The following NCKAP5 variants were observed in gnomAD, a reference collection of about 807,000 sequenced individuals.
NCKAP5 encodes NCK associated protein 5.
Under a neutral mutation model 167.0 loss-of-function variants are expected in NCKAP5, and 92 were observed. The observed-to-expected ratio is 0.55, with a 90% CI of 0.47 to 0.66. NCKAP5 has a LOEUF of 0.66. Among genes scored for constraint, NCKAP5 ranks in the 30% least tolerant of loss-of-function variants. NCKAP5 has a pLI of 0.00. For missense variants in NCKAP5, 2,378 were observed against 2,315.0 expected (o/e 1.03, Z -0.56); for synonymous variants, 891 against 877.4 (o/e 1.02, Z -0.27).
the NCKAP5 span, among the ~76,000 whole-genome samples, chr2:133,637,476 C>CAAAAAAAAAA: frequency 2.2e-4 from 7 of 31,668 alleles, no homozygotes; most frequent in African/African-American, 1.1e-3. Context: ...TGGTATTTTC[C>CAAAAAAAAAA]AAAAAAAAAA....
At chr2:133,064,176 C>A (rs910995817) in intron 6 of NCKAP5, among the ~76,000 whole-genome samples, 1 of 152,204 alleles carries the variant, frequency 6.6e-6, no homozygotes, top group Non-Finnish European at 1.5e-5. Context: ...GGGTTGTCAT[C>A]ACCAGCTATA....
At chr2:133,435,271 A>G (rs1690403060) in intron 3 of NCKAP5, among the ~76,000 whole-genome samples, 1 of 152,240 alleles carries the variant, frequency 6.6e-6, no homozygotes, top group Non-Finnish European at 1.5e-5. Flanking sequence ...CATCTGAAAC[A>G]ACACAATTTC....
chr2:133,480,875 A>G (rs1680361870), intron 3 of NCKAP5, among the ~76,000 whole-genome samples: 1 of 152,210 alleles, frequency 6.6e-6, no homozygotes, highest in African/African-American at 2.4e-5. Flanking sequence ...GCCATCCAGC[A>G]TTCCCAAAGC....
At chr2:132,749,829 C>T (rs1679961495) in intron 16 of NCKAP5, among the ~76,000 whole-genome samples, 1 of 152,122 alleles carries the variant, frequency 6.6e-6, no homozygotes, top group Admixed American at 6.5e-5. Context: ...GGTTAACTGG[C>T]TGGCAGATGA....
At chr2:133,567,657 C>CTGTGTG (rs3050985) in intron 1 of NCKAP5, among the ~76,000 whole-genome samples, 8,240 of 130,696 alleles carry the variant, frequency 0.063, 294 homozygotes, top group East Asian at 0.1. Flanking sequence ...ATGAATGAGC[C>CTGTGTG]TGTGTGTGTG....
chr2:132,705,339 ATACT>A (rs1307043718), intron 19 of NCKAP5, among the ~76,000 whole-genome samples: 7 of 152,126 alleles, frequency 4.6e-5, no homozygotes, highest in Non-Finnish European at 8.8e-5. Context: ...AGATTTATAT[ATACT>A]TACCATCTCC....
At chr2:132,693,901 T>C (rs1404436259) in intron 19 of NCKAP5, among the ~76,000 whole-genome samples, 1 of 151,818 alleles carries the variant, frequency 6.6e-6, no homozygotes, top group South Asian at 2.1e-4. Flanking sequence ...TGGGATTACA[T>C]GCATGAGCCA....
At chr2:132,869,863 C>T (rs1038193308) in intron 9 of NCKAP5, among the ~76,000 whole-genome samples, 6 of 152,178 alleles carry the variant, frequency 3.9e-5, no homozygotes, top group Admixed American at 3.3e-4. Context: ...TGGAGCTGTA[C>T]TGTCTATTGA....
In NCKAP5 at chr2:132,958,720, C is replaced by G. The variant is rs567379971; in HGVS notation, c.579+5000G>C. Among the ~76,000 whole-genome samples the G allele has an allele frequency of 7.2e-5, 11 of 152,230 alleles. No individual in the cohort carries two copies. In the South Asian group the frequency reaches 2.3e-3, roughly 32 times the overall value. ...AGGTGGCCTTTCACCTTTGCAGCTGCCTCCTCTTGCAATGTTCTTCCTCTG... is the reference window on the plus strand; with the variant it reads ...AGGTGGCCTTTCACCTTTGCAGCTGGCTCCTCTTGCAATGTTCTTCCTCTG... On this transcript the variant is annotated intron_variant, in intron 8 of 19. Coordinates refer to ENST00000409261, the MANE Select transcript of NCKAP5 (RefSeq NM_207363.3).
the NCKAP5 span, among the ~76,000 whole-genome samples, chr2:133,674,478 C>T: frequency 2.6e-5 from 4 of 152,160 alleles, no homozygotes; most frequent in Admixed American, 1.3e-4. Flanking sequence ...GCAGACACCA[C>T]GTGCCATGTA....
intron 11 of NCKAP5, among the ~76,000 whole-genome samples, chr2:132,827,006 C>A (rs1248551007): frequency 6.6e-6 from 1 of 152,016 alleles, no homozygotes; most frequent in African/African-American, 2.4e-5. Flanking sequence ...TCGACAGAGG[C>A]ACTGATACGT....
At chr2:132,948,735 G>C (rs149088916) in intron 8 of NCKAP5, among the ~76,000 whole-genome samples, 1 of 152,010 alleles carries the variant, frequency 6.6e-6, no homozygotes, top group Non-Finnish European at 1.5e-5. Flanking sequence ...TGGAAGCCCC[G>C]GCTTCTGAGA....
At chr2:133,390,349 C>A (rs1687309764) in intron 3 of NCKAP5, among the ~76,000 whole-genome samples, 1 of 152,182 alleles carries the variant, frequency 6.6e-6, no homozygotes, top group African/African-American at 2.4e-5. Context: ...CTTGACTCTC[C>A]TGTTGAATGT....
At chr2:132,679,227 C>G (rs1684886325) in intron 19 of NCKAP5, among the ~76,000 whole-genome samples, 1 of 152,172 alleles carries the variant, frequency 6.6e-6, no homozygotes, top group South Asian at 2.1e-4. Flanking sequence ...AAACAAGTGT[C>G]TTCCTGTAAA....
At chr2:133,351,660 T>C (rs1008870558) in intron 3 of NCKAP5, among the ~76,000 whole-genome samples, 1 of 152,142 alleles carries the variant, frequency 6.6e-6, no homozygotes. Flanking sequence ...CATGGCTCTC[T>C]CCTCACCTGT....
chr2:132,819,069 A>G (rs1202589224), intron 11 of NCKAP5, among the ~76,000 whole-genome samples: 1 of 152,166 alleles, frequency 6.6e-6, no homozygotes, highest in East Asian at 1.9e-4. Flanking sequence ...TTATTCTGAG[A>G]AAGAACCATA....
intron 8 of NCKAP5, among the ~76,000 whole-genome samples, chr2:132,901,935 CT>C (rs1693660447): frequency 1.3e-5 from 2 of 152,152 alleles, no homozygotes; most frequent in Non-Finnish European, 2.9e-5. Flanking sequence ...ATTCAAACTT[CT>C]AGTTGACATG....
chr2:133,397,605 G>A (rs998624227), intron 3 of NCKAP5, among the ~76,000 whole-genome samples: 5 of 152,082 alleles, frequency 3.3e-5, no homozygotes, highest in Non-Finnish European at 7.4e-5. Flanking sequence ...TGTGTTTTGC[G>A]GATTAAGCAA....
At chr2:133,095,209 A>T (rs2081307713) in intron 6 of NCKAP5, among the ~76,000 whole-genome samples, 1 of 152,270 alleles carries the variant, frequency 6.6e-6, no homozygotes, top group South Asian at 2.1e-4. Context: ...ATCATCCTAC[A>T]ATTTGTTTTA....
Sources: gnomAD v4.1 joint callset for allele counts (sites outside exome capture counted in the v4.1 genomes callset) on GRCh38, gnomAD v4.1.1 for gene constraint, MANE v1.5 for transcripts, NCBI Gene and HGNC (gene_info 2026-07-23, HGNC 2026-07-21) for gene names.